The following RAB10 variants were observed in gnomAD, a reference collection of about 807,000 sequenced individuals.
The protein encoded by RAB10 is RAB10, member RAS oncogene family.
In RAB10, 5 loss-of-function variants were observed where a neutral mutation model predicts 25.7. The ratio of observed to expected loss-of-function variants is 0.19; its 90% CI spans 0.10 to 0.41. RAB10 has a LOEUF of 0.41. Among genes scored for constraint, RAB10 ranks in the 10% least tolerant of loss-of-function variants. RAB10 has a pLI of 1.00. For missense variants in RAB10, 103 were observed against 245.8 expected (o/e 0.42, Z 3.89); for synonymous variants, 89 against 86.4 (o/e 1.03, Z -0.16).
At chr2:26,054,668 T>G (rs1220542898) in intron 1 of RAB10, among the ~76,000 whole-genome samples, 2 of 152,250 alleles carry the variant, frequency 1.3e-5, no homozygotes, top group African/African-American at 4.8e-5. Flanking sequence ...TTTCGTTATT[T>G]TGAAAAATTT....
chr2:26,102,706 A>G (rs2117280), intron 2 of RAB10, among the ~76,000 whole-genome samples: 116,670 of 152,116 alleles, frequency 0.77, 44,802 homozygotes, highest in East Asian at 0.87. Flanking sequence ...CCAAAGTGCT[A>G]GGATTACAGG....
intron 1 of RAB10, among the ~76,000 whole-genome samples, chr2:26,055,650 A>G (rs1438407170): frequency 1.3e-5 from 2 of 152,022 alleles, no homozygotes; most frequent in East Asian, 1.9e-4. Flanking sequence ...CAGCCTTCCA[A>G]AGTCCTGGAA....
At chr2:26,039,920 C>CA (rs761828272) in intron 1 of RAB10, among the ~76,000 whole-genome samples, 48 of 151,896 alleles carry the variant, frequency 3.2e-4, no homozygotes, top group Non-Finnish European at 6.0e-4. Context: ...GCTTACAACT[C>CA]ATCTCAGATT....
At chr2:26,102,507 C>T (rs1047402067) in intron 2 of RAB10, among the ~76,000 whole-genome samples, 8 of 147,212 alleles carry the variant, frequency 5.4e-5, no homozygotes, top group Admixed American at 1.4e-4. Flanking sequence ...GGCGCTATCT[C>T]GGCTCACTGC....
intron 1 of RAB10, among the ~76,000 whole-genome samples, chr2:26,064,914 T>A (rs1399061688): frequency 6.6e-6 from 1 of 152,076 alleles, no homozygotes; most frequent in Admixed American, 6.6e-5. Context: ...CTGTCTTAGC[T>A]GGGTATGGTG....
Position 26,040,966 on chromosome 2 carries a change from T to G in RAB10, c.127+6231T>G, listed in dbSNP as rs571442257. Among the ~76,000 whole-genome samples the G allele has an allele frequency of 2.1e-3, 314 of 152,200 alleles. 1 individual carries two copies. The highest frequency in any genetic ancestry group is 7.3e-3 in the African/African-American group (302 of 41,536). ...TGCAAAAAACAAATTACTGGTATGG[T>G]ACACTCAACCAATCTCAAAACGAAT... On this transcript the variant is annotated intron_variant, in intron 1 of 5. Transcript: ENST00000264710.
At chr2:26,100,103 A>C (rs978126247) in intron 2 of RAB10, among the ~76,000 whole-genome samples, 11 of 152,166 alleles carry the variant, frequency 7.2e-5, no homozygotes, top group African/African-American at 2.7e-4. Context: ...TCTGTTGCCC[A>C]GGGCTAAAAA....
intron 1 of RAB10, among the ~76,000 whole-genome samples, chr2:26,052,026 C>CA (rs1666148613): frequency 6.7e-6 from 1 of 150,072 alleles, no homozygotes; most frequent in South Asian, 2.1e-4. Flanking sequence ...CACTGCACTC[C>CA]AGCCTGGGCA....
At chr2:26,074,175 G>A (rs772541075) in intron 1 of RAB10, among the ~76,000 whole-genome samples, 11 of 150,520 alleles carry the variant, frequency 7.3e-5, no homozygotes, top group Non-Finnish European at 1.3e-4. Flanking sequence ...GGTAATCTGA[G>A]CCTGAGATGA....
chr2:26,107,965 A>G (rs1025967462), intron 2 of RAB10, among the ~76,000 whole-genome samples: 13 of 152,236 alleles, frequency 8.5e-5, no homozygotes, highest in African/African-American at 2.2e-4. Flanking sequence ...ATGAAATATT[A>G]CTATGTGCCC....
chr2:26,086,025 G>T (rs913642139), intron 1 of RAB10, among the ~76,000 whole-genome samples: 2 of 136,168 alleles, frequency 1.5e-5, no homozygotes, highest in African/African-American at 2.7e-5. Context: ...AAAGGGGGGG[G>T]GCAAAGGGGC....
intron 1 of RAB10, among the ~76,000 whole-genome samples, chr2:26,055,339 G>A (rs2149265362): frequency 6.7e-6 from 1 of 149,790 alleles, no homozygotes; most frequent in African/African-American, 2.4e-5. Context: ...CACTATTTTT[G>A]TTTTTTGAGA....
chr2:26,096,161 T>G (rs1667205210), intron 1 of RAB10, among the ~76,000 whole-genome samples: 1 of 152,190 alleles, frequency 6.6e-6, no homozygotes, highest in Admixed American at 6.6e-5. Flanking sequence ...ATAACTCAAA[T>G]TTGTCTGCAA....
intron 1 of RAB10, among the ~76,000 whole-genome samples, chr2:26,036,139 C>T (rs1211281771): frequency 6.6e-6 from 1 of 152,146 alleles, no homozygotes; most frequent in African/African-American, 2.4e-5. Context: ...CTGTAGCTGG[C>T]TAGGGTTAGG....
intron 1 of RAB10, among the ~76,000 whole-genome samples, chr2:26,072,234 T>C (rs996032204): frequency 5.3e-5 from 8 of 152,084 alleles, no homozygotes; most frequent in African/African-American, 9.7e-5. Context: ...CTGGCCAACA[T>C]GGTGAAACTG....
In RAB10 at chr2:26,058,077, A is replaced by G. The variant is rs577553447; in HGVS notation, c.127+23342A>G. On this transcript the variant is annotated intron_variant, in intron 1 of 5. Transcript: ENST00000264710. The stretch of plus-strand genomic sequence containing the variant: ...TACTCAGATATTTGTTAAGAAGACT[A>G]AAAATCTTGGAGGTATCCTTGATGC... Among the ~76,000 whole-genome samples the G allele has an allele frequency of 7.9e-5, 12 of 152,328 alleles. No individual in the cohort carries two copies. In the South Asian group the frequency reaches 1.9e-3, roughly 24 times the overall value.
chr2:26,046,529 C>G lies in RAB10; in HGVS notation c.127+11794C>G, dbSNP rs542247481. On this transcript the variant is annotated intron_variant, in intron 1 of 5. Coordinates refer to ENST00000264710, the MANE Select transcript of RAB10 (RefSeq NM_016131.5). ...TGAAAAATAATATTTTTGAGGAAAACAGCAACTATTAATGGAATGCTACAT... is the reference window on the plus strand; with the variant it reads ...TGAAAAATAATATTTTTGAGGAAAAGAGCAACTATTAATGGAATGCTACAT... Among the ~76,000 whole-genome samples the G allele has an allele frequency of 1.1e-4, 16 of 152,132 alleles. 1 individual carries two copies. In the South Asian group the frequency reaches 1.5e-3, roughly 14 times the overall value.
rs866497641 is a variant in RAB10 at position 26,132,772 on chromosome 2, T to C, written c.520-2166T>C. On this transcript the variant is annotated intron_variant, in intron 5 of 5. Transcript: ENST00000264710. ...GCTCCGCAAGAGATACCCCCCCCCC[T>C]TTTTTTTAAATCTGTTTCAAGGATC... is the stretch of plus-strand genomic sequence containing the variant. Among the ~76,000 whole-genome samples, 75 of 46,960 alleles carry C rather than the reference T, an allele frequency of 1.6e-3. 1 individual carries two copies. The highest frequency in any genetic ancestry group is 1.8e-3 in the Non-Finnish European group (41 of 22,424). The allele number at this position is 46,960 out of a possible 152,430, so 30.8% of individuals were successfully genotyped here.
At chr2:26,060,368 C>A (rs1666369487) in intron 1 of RAB10, among the ~76,000 whole-genome samples, 1 of 152,146 alleles carries the variant, frequency 6.6e-6, no homozygotes, top group South Asian at 2.1e-4. Flanking sequence ...TCTCGGCTCA[C>A]TGCAAGCTCT....
Sources: gnomAD v4.1 joint callset for allele counts (sites outside exome capture counted in the v4.1 genomes callset) on GRCh38, gnomAD v4.1.1 for gene constraint, MANE v1.5 for transcripts, NCBI Gene and HGNC (gene_info 2026-07-23, HGNC 2026-07-21) for gene names.